PDE8A: variants seen among roughly 807,000 people sequenced by gnomAD.
PDE8A encodes high affinity cAMP-specific and IBMX-insensitive 3',5'-cyclic phosphodiesterase 8A.
PDE8A carries 59 observed loss-of-function variants against 105.0 expected under a neutral mutation model. The observed-to-expected ratio is 0.56, with a 90% CI of 0.46 to 0.70. The LOEUF (loss-of-function observed/expected upper bound fraction) is 0.70. Ranked by LOEUF, PDE8A falls within the 30% of genes least tolerant of loss-of-function variation. The pLI is 0.00. For missense variants in PDE8A, 1,014 were observed against 1,045.9 expected, an observed-to-expected ratio of 0.97 and a Z score of 0.42; for synonymous variants, 355 against 371.9, an observed-to-expected ratio of 0.95 and a Z score of 0.52.
At chr15:85,047,684 T>G (rs1341187554) in intron 1 of PDE8A, among the ~76,000 whole-genome samples, 2 of 152,218 alleles carry the variant, frequency 1.3e-5, no homozygotes, top group African/African-American at 4.8e-5. Flanking sequence ...CTTTTATAAG[T>G]TCACATCATA....
In PDE8A at chr15:85,115,842, C is replaced by T. The variant is rs1008626863; in HGVS notation, c.1400-142C>T. 4.3e-6 allele frequency: 3 copies of T among 696,372 alleles called. No individual in the cohort carries two copies. In the Admixed American group the frequency reaches 7.5e-5, roughly 17 times the overall value. The allele number at this position is 696,372 out of a possible 1,614,324, so 43.1% of individuals were successfully genotyped here. ...GGCTGAGGCAGGAGAATCACTTGAA[C>T]CCGGGAGGCGGAGGTTGCAGTGAGC... On this transcript the variant is annotated intron_variant, in intron 15 of 21. Transcript: ENST00000394553.
intron 19 of PDE8A, 95 bp from the exon 20 acceptor site, chr15:85,126,112 T>C (rs2082254400): frequency 1.3e-6 from 1 of 790,856 alleles, no homozygotes; most frequent in Non-Finnish European, 2.0e-6. Context: ...TCCTGACTAG[T>C]GCTCTTTTTA....
intron 7 of PDE8A, chr15:85,090,699 C>T (rs1446112999): frequency 7.0e-6 from 3 of 429,256 alleles, no homozygotes; most frequent in South Asian, 4.9e-5. Flanking sequence ...TCCCCCCACC[C>T]CCACCCCCAT....
intron 1 of PDE8A, among the ~76,000 whole-genome samples, chr15:84,986,527 T>C (rs964960532): frequency 6.6e-6 from 1 of 152,112 alleles, no homozygotes; most frequent in African/African-American, 2.4e-5. Flanking sequence ...AACTAAAGTT[T>C]AGTGGTTTCC....
Position 85,065,049 on chromosome 15 carries a change from TTAGA to T in PDE8A, c.243+624_243+627del, listed in dbSNP as rs534026154. Among the ~76,000 whole-genome samples the T allele has an allele frequency of 2.3e-4, 35 of 151,882 alleles. No individual in the cohort carries two copies. In the East Asian group the frequency reaches 6.8e-3, roughly 29 times the overall value. The stretch of plus-strand genomic sequence containing the variant: ...ATTGTATGTATGTACATGTATGTGT[TTAGA>T]GAGAGAGAGAAAGCAAAGCAAAGGT... On this transcript the variant is annotated intron_variant, in intron 2 of 21. Transcript: ENST00000394553.
intron 1 of PDE8A, among the ~76,000 whole-genome samples, chr15:85,041,868 A>G (rs1464880708): frequency 1.3e-5 from 2 of 152,178 alleles, no homozygotes; most frequent in Admixed American, 6.5e-5. Flanking sequence ...CATCTGCCCC[A>G]GGAGTTCTCA....
chr15:85,113,509 A>T, intron 13 of PDE8A, 62 bp downstream of exon 13: 1 of 1,394,878 alleles, frequency 7.2e-7, no homozygotes, highest in Non-Finnish European at 1.0e-6. Flanking sequence ...CCCAAGGATC[A>T]TTTCCAATGA....
intron 11 of PDE8A, among the ~76,000 whole-genome samples, chr15:85,108,710 G>A (rs1243280933): frequency 1.3e-5 from 2 of 151,944 alleles, no homozygotes; most frequent in Non-Finnish European, 2.9e-5. Context: ...AGATGAGTGG[G>A]GATCAAAATT....
intron 8 of PDE8A, among the ~76,000 whole-genome samples, chr15:85,091,645 A>T (rs1353610515): frequency 6.6e-6 from 1 of 152,194 alleles, no homozygotes; most frequent in Non-Finnish European, 1.5e-5. Context: ...AGAAGAGCAA[A>T]ACAAAAATTC....
intron 1 of PDE8A, among the ~76,000 whole-genome samples, chr15:85,043,919 G>T (rs190714750): frequency 6.6e-6 from 1 of 152,080 alleles, no homozygotes; most frequent in Non-Finnish European, 1.5e-5. Flanking sequence ...GGCTGGTCTC[G>T]AACTCCTGAC....
At chr15:84,985,953 G>C (rs1217944393) in intron 1 of PDE8A, among the ~76,000 whole-genome samples, 1 of 152,066 alleles carries the variant, frequency 6.6e-6, no homozygotes, top group Non-Finnish European at 1.5e-5. Flanking sequence ...GGCTGGGCGC[G>C]GTGGCTCATG....
chr15:85,095,881 T>TATA (rs1555478265), intron 8 of PDE8A, among the ~76,000 whole-genome samples: 7 of 148,502 alleles, frequency 4.7e-5, no homozygotes, highest in African/African-American at 1.7e-4. Context: ...TATATTTTTT[T>TATA]TATATATATA....
intron 8 of PDE8A, among the ~76,000 whole-genome samples, chr15:85,095,329 C>T (rs1444566032): frequency 6.6e-6 from 1 of 152,110 alleles, no homozygotes; most frequent in Non-Finnish European, 1.5e-5. Flanking sequence ...TTATTATTCT[C>T]AGGAACTAAA....
At chr15:85,057,908 A>T (rs1351662569) in intron 1 of PDE8A, among the ~76,000 whole-genome samples, 1 of 152,202 alleles carries the variant, frequency 6.6e-6, no homozygotes, top group Admixed American at 6.5e-5. Context: ...CATGGTGTAT[A>T]ATCCTTTTAT....
In PDE8A at chr15:85,067,219, C is replaced by T. The variant is rs376279157; in HGVS notation, c.434+15C>T. The T allele has an allele frequency of 3.9e-5, 62 of 1,600,832 alleles. No homozygotes were observed. Among genetic ancestry groups the T allele is most frequent in the Middle Eastern group, 3.4e-4 (2 of 5,966 alleles). ...GCACTGTGCAGGTAAGCCCAAGACT[C>T]GGGCCTAAATAGTCCCATTGGCCTT... On this transcript the variant is annotated intron_variant, in intron 3 of 21. Coordinates refer to ENST00000394553, the MANE Select transcript of PDE8A (RefSeq NM_002605.3).
intron 12 of PDE8A, among the ~76,000 whole-genome samples, chr15:85,111,173 C>T (rs1323042461): frequency 6.6e-6 from 1 of 152,132 alleles, no homozygotes; most frequent in Admixed American, 6.5e-5. Context: ...TTTGCCTTCT[C>T]CCCTCTAAAT....
intron 1 of PDE8A, among the ~76,000 whole-genome samples, chr15:85,007,541 A>G (rs558882938): frequency 3.3e-5 from 5 of 152,010 alleles, no homozygotes; most frequent in African/African-American, 7.2e-5. Flanking sequence ...AATAAAATGT[A>G]AAAAATAATG....
At chr15:85,063,099 C>T (rs2081171103) in intron 1 of PDE8A, 1 of 152,168 alleles carries the variant, frequency 6.6e-6, no homozygotes, top group South Asian at 2.1e-4. Flanking sequence ...GACCCTCATT[C>T]TTTTTATGCC....
intron 1 of PDE8A, among the ~76,000 whole-genome samples, chr15:85,055,773 C>A (rs866168384): frequency 1.1e-4 from 16 of 152,258 alleles, no homozygotes; most frequent in African/African-American, 2.9e-4. Flanking sequence ...ATTTGCCAGT[C>A]TGTGTCTTTT....
Sources: allele counts gnomAD v4.1 joint callset (sites outside exome capture counted in the v4.1 genomes callset), GRCh38; gene constraint gnomAD v4.1.1; transcripts MANE v1.5; gene names NCBI Gene and HGNC (gene_info 2026-07-23, HGNC 2026-07-21).